Variants in ZNF385D observed in about 807,000 individuals in gnomAD.
The protein encoded by ZNF385D is zinc finger protein 385D, also known as zinc finger protein 659.
Under a neutral mutation model 35.8 loss-of-function variants are expected in ZNF385D, and 15 were observed. The ratio of observed to expected loss-of-function variants is 0.42; its 90% CI spans 0.28 to 0.64. The LOEUF is 0.64. ZNF385D is among the 30% of genes least tolerant of loss of function. The pLI, the probability that ZNF385D is intolerant of heterozygous loss-of-function variation, is 0.23. For missense variants in ZNF385D, 474 were observed against 494.6 expected (o/e 0.96, Z 0.39); for synonymous variants, 212 against 186.8 (o/e 1.13, Z -1.10).
chr3:21,662,133 T>C (rs1480105739), intron 2 of ZNF385D, among the ~76,000 whole-genome samples: 1 of 151,996 alleles, frequency 6.6e-6, no homozygotes, highest in Non-Finnish European at 1.5e-5. Flanking sequence ...GGTGGCAGAG[T>C]TCATCACTTA....
chr3:22,038,238 T>C (rs1232102597), intron 3 of ZNF385D, among the ~76,000 whole-genome samples: 1 of 152,102 alleles, frequency 6.6e-6, no homozygotes, highest in East Asian at 1.9e-4. Context: ...TTATAAAACA[T>C]TCAAGAAAGA....
intron 2 of ZNF385D, among the ~76,000 whole-genome samples, chr3:22,286,791 T>C (rs917646367): frequency 6.6e-6 from 1 of 152,136 alleles, no homozygotes; most frequent in African/African-American, 2.4e-5. Context: ...TTTTGTGGCT[T>C]AACATATGAT....
intron 3 of ZNF385D, among the ~76,000 whole-genome samples, chr3:22,085,125 A>T (rs1227360549): frequency 1.3e-5 from 2 of 152,240 alleles, no homozygotes; most frequent in African/African-American, 4.8e-5. Context: ...AGAAAGCAGG[A>T]AAGATCTAAA....
chr3:21,869,904 C>G (rs1203261125), intron 3 of ZNF385D, among the ~76,000 whole-genome samples: 1 of 151,956 alleles, frequency 6.6e-6, no homozygotes, highest in African/African-American at 2.4e-5. Flanking sequence ...AACAATAGGG[C>G]ATTCTTTTAA....
At chr3:21,718,984 A>C (rs2068432250) in intron 1 of ZNF385D, among the ~76,000 whole-genome samples, 2 of 152,214 alleles carry the variant, frequency 1.3e-5, no homozygotes, top group Admixed American at 1.3e-4. Flanking sequence ...AACTTCTAAA[A>C]TTTTAAGCGG....
intron 3 of ZNF385D, among the ~76,000 whole-genome samples, chr3:22,098,360 T>C (rs1211745734): frequency 6.6e-6 from 1 of 152,096 alleles, no homozygotes. Context: ...TGAGTCATCA[T>C]TTAATGAACA....
chr3:22,152,508 G>A (rs1056695454), intron 3 of ZNF385D, among the ~76,000 whole-genome samples: 3 of 152,170 alleles, frequency 2.0e-5, no homozygotes, highest in Non-Finnish European at 2.9e-5. Context: ...TCTGAGGGCT[G>A]TAAGGGAAGA....
chr3:22,261,513 G>T (rs760270005), intron 2 of ZNF385D, among the ~76,000 whole-genome samples: 4 of 151,848 alleles, frequency 2.6e-5, no homozygotes, highest in Non-Finnish European at 4.4e-5. Context: ...GTGTCAATGG[G>T]TGTGCTGTAT....
chr3:22,201,120 T>C (rs1297789643), intron 2 of ZNF385D, among the ~76,000 whole-genome samples: 2 of 152,096 alleles, frequency 1.3e-5, no homozygotes, highest in Non-Finnish European at 2.9e-5. Context: ...GTGATAAGTG[T>C]CCATGAAATC....
chr3:21,956,905 G>C (rs1702319691), intron 3 of ZNF385D, among the ~76,000 whole-genome samples: 1 of 151,804 alleles, frequency 6.6e-6, no homozygotes, highest in Admixed American at 6.6e-5. Context: ...TTTATCATCT[G>C]TGGTGATATA....
At chr3:21,912,541 T>C (rs1158256424) in intron 3 of ZNF385D, among the ~76,000 whole-genome samples, 4 of 151,956 alleles carry the variant, frequency 2.6e-5, no homozygotes, top group African/African-American at 7.2e-5. Context: ...GAACCAGGCA[T>C]TGTGTGCCAT....
chr3:21,602,988 C>G (rs6769497), intron 2 of ZNF385D, among the ~76,000 whole-genome samples: 6,257 of 152,246 alleles, frequency 0.041, 421 homozygotes, highest in African/African-American at 0.14. Flanking sequence ...AGTCATACCC[C>G]CTCTTGCTTC....
intron 3 of ZNF385D, among the ~76,000 whole-genome samples, chr3:21,833,043 A>G (rs1224818549): frequency 6.6e-6 from 1 of 152,132 alleles, no homozygotes; most frequent in African/African-American, 2.4e-5. Context: ...GTATCATGAC[A>G]CTTTCCACTC....
chr3:22,302,304 A>G (rs1373075047), intron 2 of ZNF385D, among the ~76,000 whole-genome samples: 1 of 151,796 alleles, frequency 6.6e-6, no homozygotes, highest in African/African-American at 2.4e-5. Context: ...TAAATTTTTT[A>G]TTTCCAATTT....
At chr3:22,332,976 G>C (rs1393834717) in intron 2 of ZNF385D, among the ~76,000 whole-genome samples, 3 of 150,878 alleles carry the variant, frequency 2.0e-5, no homozygotes, top group African/African-American at 7.3e-5. Flanking sequence ...ACTTTGATCA[G>C]TTCTTTCAGA....
chr3:21,791,394 C>A (rs1256463943), intron 3 of ZNF385D, among the ~76,000 whole-genome samples: 1 of 152,166 alleles, frequency 6.6e-6, no homozygotes, highest in Non-Finnish European at 1.5e-5. Context: ...AAACATTTAA[C>A]TATGAGCAAT....
chr3:22,146,794 G>T (rs774370629), intron 3 of ZNF385D, among the ~76,000 whole-genome samples: 1 of 152,074 alleles, frequency 6.6e-6, no homozygotes, highest in Admixed American at 6.6e-5. Flanking sequence ...TTGCTGAGTA[G>T]ACCAAAATAA....
chr3:21,724,715 C>T (rs775976354), intron 1 of ZNF385D, among the ~76,000 whole-genome samples: 49 of 151,980 alleles, frequency 3.2e-4, no homozygotes, highest in Non-Finnish European at 6.0e-4. Flanking sequence ...GAGACTTAAA[C>T]TCCCACACAA....
intron 3 of ZNF385D, among the ~76,000 whole-genome samples, chr3:21,948,331 TTAA>T (rs1432485738): frequency 6.6e-6 from 1 of 152,108 alleles, no homozygotes; most frequent in Non-Finnish European, 1.5e-5. Context: ...TTTCCTGGTA[TTAA>T]TAAAACATTC....
Sources: allele counts gnomAD v4.1 joint callset (sites outside exome capture counted in the v4.1 genomes callset), GRCh38; gene constraint gnomAD v4.1.1; transcripts MANE v1.5; gene names NCBI Gene and HGNC (gene_info 2026-07-23, HGNC 2026-07-21).